Variants in APP observed in about 807,000 individuals in gnomAD.
The protein encoded by APP is amyloid-beta precursor protein.
A neutral mutation model predicts 101.4 loss-of-function variants in APP; 31 were observed. The ratio of observed to expected loss-of-function variants is 0.31; its 90% CI spans 0.23 to 0.41. APP has a LOEUF of 0.41. Ranked by LOEUF, APP falls within the 10% of genes least tolerant of loss-of-function variation. APP has a pLI of 1.00. For synonymous variants in APP, 366 were observed against 364.4 expected (o/e 1.00, Z -0.05); for missense variants, 839 against 1,003.7 (o/e 0.84, Z 2.22).
chr21:26,152,354 C>CAAACA lies in APP; in HGVS notation c.57+18205_57+18209dup, dbSNP rs576661300. ...CATTTCTAAAAAGCAAATGTACAAACAAACAAAACAAAACAAAACAAAAGC... is the reference window on the plus strand; with the variant it reads ...CATTTCTAAAAAGCAAATGTACAAACAAACAAAACAAAACAAAACAAAACAAAAGC... On this transcript the variant is annotated intron_variant, in intron 1 of 17. Coordinates refer to ENST00000346798, the MANE Select transcript of APP (RefSeq NM_000484.4). Among the ~76,000 whole-genome samples, 42 of 141,522 alleles carry CAAACA rather than the reference C, an allele frequency of 3.0e-4. 1 individual carries two copies. In the East Asian group the frequency reaches 7.0e-3, roughly 24 times the overall value. 92.8% of individuals were successfully genotyped at this position (141,522 alleles called of 152,430 possible).
intron 3 of APP, among the ~76,000 whole-genome samples, chr21:26,071,586 CCTGT>C (rs1326312755): frequency 2.6e-5 from 4 of 152,060 alleles, no homozygotes; most frequent in African/African-American, 9.7e-5. Context: ...TAATGTAGTT[CCTGT>C]CTTTCATTTA....
At chr21:25,908,992 C>G (rs1304560180) in intron 14 of APP, among the ~76,000 whole-genome samples, 1 of 152,016 alleles carries the variant, frequency 6.6e-6, no homozygotes, top group Non-Finnish European at 1.5e-5. Context: ...GGCCGGGCGC[C>G]GTGGCTCATG....
chr21:26,117,455 T>G (rs1340382726), intron 1 of APP, among the ~76,000 whole-genome samples: 1 of 152,230 alleles, frequency 6.6e-6, no homozygotes, highest in Non-Finnish European at 1.5e-5. Context: ...CATCTGCAGT[T>G]GCTCATTTCA....
At chr21:26,061,533 C>A (rs537181031) in intron 3 of APP, among the ~76,000 whole-genome samples, 1 of 152,136 alleles carries the variant, frequency 6.6e-6, no homozygotes, top group Admixed American at 6.5e-5. Context: ...AGAGACGGGA[C>A]GATTACTTCA....
chr21:25,949,237 G>A (rs529335675), intron 13 of APP, among the ~76,000 whole-genome samples: 16 of 152,264 alleles, frequency 1.1e-4, no homozygotes, highest in Non-Finnish European at 2.4e-4. Flanking sequence ...ACACTTATTT[G>A]TCATGGGAAT....
At chr21:25,992,982 G>A (rs2042926601) in intron 8 of APP, among the ~76,000 whole-genome samples, 1 of 152,200 alleles carries the variant, frequency 6.6e-6, no homozygotes, top group South Asian at 2.1e-4. Context: ...AAATGGCCTA[G>A]GCATTCAGAC....
rs1051874976 is a variant in APP, at chr21:25,902,488, T to G, written c.1963+2536A>C. ...CATAGACAAACCTTAACTAGAATCT[T>G]CCTCACTTCATATCTGAGCATTCTT... On this transcript the variant is annotated intron_variant, in intron 15 of 17. Transcript: ENST00000346798. Among the ~76,000 whole-genome samples the G allele has an allele frequency of 4.0e-5, 6 of 151,846 alleles. No homozygotes were observed. In the South Asian group the frequency reaches 1.2e-3, roughly 32 times the overall value.
At chr21:26,029,528 G>T (rs2146814786) in intron 5 of APP, among the ~76,000 whole-genome samples, 1 of 152,216 alleles carries the variant, frequency 6.6e-6, no homozygotes, top group South Asian at 2.1e-4. Context: ...CCCAAAGAAG[G>T]TCCGAAGTGA....
At chr21:25,952,998 T>C (rs2041158674) in intron 13 of APP, among the ~76,000 whole-genome samples, 1 of 152,234 alleles carries the variant, frequency 6.6e-6, no homozygotes, top group Non-Finnish European at 1.5e-5. Flanking sequence ...ATTCATGGTG[T>C]AGACTAAAAA....
chr21:25,902,766 C>T (rs192271126), intron 15 of APP, among the ~76,000 whole-genome samples: 1 of 152,202 alleles, frequency 6.6e-6, no homozygotes, highest in African/African-American at 2.4e-5. Context: ...TTTGTATTTC[C>T]TTGTCTTCCA....
chr21:26,160,908 T>C (rs553511336), intron 1 of APP, among the ~76,000 whole-genome samples: 87 of 152,324 alleles, frequency 5.7e-4, no homozygotes, highest in Middle Eastern at 3.4e-3. Flanking sequence ...ACGTGATGTA[T>C]TGACAGTATT....
chr21:25,975,052 G>A lies in APP; in HGVS notation c.1458+18C>T, dbSNP rs200083249. 1.0e-4 allele frequency: 161 copies of A among 1,613,850 alleles called. No homozygotes were observed. The South Asian group carries it at 1.4e-3, about 14-fold the overall frequency. Reference sequence around the variant, plus strand: ...GTGCTGTGACCTGAAGTGTGAACTCGGCTGCAGCGAGACCTACCCGAGGAG... The same window carrying A: ...GTGCTGTGACCTGAAGTGTGAACTCAGCTGCAGCGAGACCTACCCGAGGAG... On this transcript the variant is annotated intron_variant, in intron 11 of 17. Coordinates refer to ENST00000346798, the MANE Select transcript of APP (RefSeq NM_000484.4).
chr21:25,883,544 T>G (rs1436389209), intron 17 of APP, among the ~76,000 whole-genome samples: 2 of 151,772 alleles, frequency 1.3e-5, no homozygotes, highest in Non-Finnish European at 2.9e-5. Flanking sequence ...ACAAAAAAAT[T>G]TAGCCAGGCA....
At chr21:26,130,716 C>G (rs528781635) in intron 1 of APP, among the ~76,000 whole-genome samples, 2 of 152,162 alleles carry the variant, frequency 1.3e-5, no homozygotes, top group Non-Finnish European at 2.9e-5. Flanking sequence ...TTTCTAGATG[C>G]GTCAGGTCTG....
At chr21:26,027,463 A>G (rs941494936) in intron 5 of APP, among the ~76,000 whole-genome samples, 2 of 152,270 alleles carry the variant, frequency 1.3e-5, no homozygotes, top group African/African-American at 4.8e-5. Context: ...AATTACTGCT[A>G]CTAAATTAGG....
chr21:26,131,905 A>ATTTT (rs200108798), intron 1 of APP, among the ~76,000 whole-genome samples: 4 of 147,656 alleles, frequency 2.7e-5, no homozygotes, highest in Non-Finnish European at 3.0e-5. Context: ...TTGAATTAAG[A>ATTTT]TTTTTTTTTT....
chr21:26,088,686 A>G (rs2061754831), intron 3 of APP, among the ~76,000 whole-genome samples: 1 of 152,212 alleles, frequency 6.6e-6, no homozygotes, highest in Non-Finnish European at 1.5e-5. Flanking sequence ...TTCTGTATCT[A>G]GAATTTAAGT....
chr21:26,118,573 G>A (rs2146227004), intron 1 of APP, among the ~76,000 whole-genome samples: 1 of 152,260 alleles, frequency 6.6e-6, no homozygotes, highest in South Asian at 2.1e-4. Context: ...CGTTTTCTGA[G>A]ACAGAGTCTT....
At chr21:26,081,143 C>A (rs1030803927) in intron 3 of APP, among the ~76,000 whole-genome samples, 5 of 152,124 alleles carry the variant, frequency 3.3e-5, no homozygotes, top group African/African-American at 4.8e-5. Context: ...TATGTTACAC[C>A]ATATTACTTA....
Sources: allele counts gnomAD v4.1 joint callset (sites outside exome capture counted in the v4.1 genomes callset), GRCh38; gene constraint gnomAD v4.1.1; transcripts MANE v1.5; gene names NCBI Gene and HGNC (gene_info 2026-07-23, HGNC 2026-07-21).